Variants in FAM185A observed in about 807,000 individuals in gnomAD.
FAM185A encodes the protein family with sequence similarity 185 member A.
Under a neutral mutation model 45.7 loss-of-function variants are expected in FAM185A, and 21 were observed. That is an observed-to-expected ratio of 0.46 (90% CI 0.33 to 0.66). The LOEUF (loss-of-function observed/expected upper bound fraction) is 0.66. Among genes scored for constraint, FAM185A ranks in the 30% least tolerant of loss-of-function variants. The pLI, the probability that FAM185A is intolerant of heterozygous loss-of-function variation, is 0.03. For synonymous variants in FAM185A, 117 were observed against 194.0 expected, an observed-to-expected ratio of 0.60 and a Z score of 3.30; for missense variants, 305 against 485.4, an observed-to-expected ratio of 0.63 and a Z score of 3.49.
intron 3 of FAM185A, among the ~76,000 whole-genome samples, chr7:102,760,541 C>G (rs61711632): frequency 6.2e-5 from 9 of 144,362 alleles, no homozygotes; most frequent in African/African-American, 1.8e-4. Flanking sequence ...CAAAAGCAAT[C>G]AAACAAAGTT....
the FAM185A span, among the ~76,000 whole-genome samples, chr7:102,841,096 G>A: frequency 1.3e-5 from 2 of 152,270 alleles, no homozygotes; most frequent in African/African-American, 4.8e-5. Flanking sequence ...TTTATGTCAG[G>A]CAAGGCACAA....
intron 7 of FAM185A, among the ~76,000 whole-genome samples, chr7:102,800,588 T>C (rs1253645345): frequency 6.6e-6 from 1 of 151,998 alleles, no homozygotes; most frequent in Non-Finnish European, 1.5e-5. Flanking sequence ...CTTATAGAAA[T>C]GCAAAATGCT....
At chr7:102,801,330 C>CA (rs1213477121) in intron 7 of FAM185A, among the ~76,000 whole-genome samples, 1 of 150,832 alleles carries the variant, frequency 6.6e-6, no homozygotes, top group East Asian at 1.9e-4. Flanking sequence ...AAAAAAAAAA[C>CA]AAAAAAACAA....
chr7:102,812,726 A>C (rs1797496869), downstream of FAM185A, among the ~76,000 whole-genome samples: 1 of 152,020 alleles, frequency 6.6e-6, no homozygotes, highest in African/African-American at 2.4e-5. Flanking sequence ...TTGTCAAAAA[A>C]GTCTCATCTC....
intron 6 of FAM185A, among the ~76,000 whole-genome samples, chr7:102,777,646 A>T (rs1795148258): frequency 6.6e-6 from 1 of 152,256 alleles, no homozygotes; most frequent in Non-Finnish European, 1.5e-5. Context: ...AGTTTATTCT[A>T]TTCTGAAATA....
chr7:102,786,572 G>T (rs562116631), intron 6 of FAM185A, among the ~76,000 whole-genome samples: 2 of 152,210 alleles, frequency 1.3e-5, no homozygotes, highest in South Asian at 2.1e-4. Context: ...GCAAACTATC[G>T]CAAGGACAAA....
At chr7:102,833,111 A>T in the FAM185A span, 10 of 886,102 alleles carry the variant, frequency 1.1e-5, no homozygotes, top group East Asian at 1.6e-4. Context: ...AAAATAATTT[A>T]AAAAACCCAT....
the FAM185A span, among the ~76,000 whole-genome samples, chr7:102,818,396 T>C: frequency 7.2e-5 from 11 of 152,230 alleles, no homozygotes; most frequent in Non-Finnish European, 1.5e-4. Flanking sequence ...TCCATTTTGA[T>C]GATAAAGTGT....
At chr7:102,830,324 A>C in the FAM185A span, among the ~76,000 whole-genome samples, 1 of 152,198 alleles carries the variant, frequency 6.6e-6, no homozygotes, top group Non-Finnish European at 1.5e-5. Context: ...CCCAGTCTCC[A>C]TCTGTGCCTG....
At chr7:102,838,370 G>A in the FAM185A span, among the ~76,000 whole-genome samples, 4 of 152,086 alleles carry the variant, frequency 2.6e-5, no homozygotes, top group African/African-American at 9.7e-5. Flanking sequence ...TCAGTAGATA[G>A]TAGCTAGTAT....
chr7:102,800,143 G>A (rs1454211636), intron 7 of FAM185A, among the ~76,000 whole-genome samples: 2 of 152,132 alleles, frequency 1.3e-5, no homozygotes, highest in African/African-American at 4.8e-5. Flanking sequence ...TAGATCAGAA[G>A]AGAGATAACA....
chr7:102,849,586 T>A, the FAM185A span, among the ~76,000 whole-genome samples: 1 of 152,232 alleles, frequency 6.6e-6, no homozygotes, highest in African/African-American at 2.4e-5. Flanking sequence ...AAAGTGCAGA[T>A]AATCTAAACA....
At chr7:102,790,075 G>A (rs7800387) in intron 7 of FAM185A, among the ~76,000 whole-genome samples, 15 of 151,606 alleles carry the variant, frequency 9.9e-5, no homozygotes, top group African/African-American at 3.2e-4. Context: ...CTGTTGTATC[G>A]TAACTATTTT....
intron 4 of FAM185A, among the ~76,000 whole-genome samples, chr7:102,765,260 C>G (rs1562850392): frequency 6.6e-6 from 1 of 152,172 alleles, no homozygotes; most frequent in Non-Finnish European, 1.5e-5. Flanking sequence ...ACTGCTTCAG[C>G]TATGTTCTAC....
rs542958851 is a variant in FAM185A, at chr7:102,800,119, A to G, written c.1067-8171A>G. On this transcript the variant is annotated intron_variant, in intron 7 of 7. Transcript: ENST00000413034. ...CCCGTACCAGCCCAGAGCCTGGTAG[A>G]CTTGCTGGGTGGCTAGATCAGAAGA... 2.0e-5 allele frequency among the ~76,000 whole-genome samples: 3 copies of G among 152,314 alleles called. No individual in the cohort carries two copies. The East Asian group carries it at 5.8e-4, about 29-fold the overall frequency.
intron 7 of FAM185A, among the ~76,000 whole-genome samples, chr7:102,801,818 G>A (rs112509183): frequency 0.034 from 5,231 of 151,940 alleles, 279 homozygotes; most frequent in African/African-American, 0.12. Context: ...CCAGCTACTC[G>A]GGAGGCTGAG....
chr7:102,787,427 G>C lies in FAM185A; in HGVS notation c.1024G>C (p.Glu342Gln). The stretch of plus-strand genomic sequence containing the variant: ...TGTGAACTCAGAAGTCCATGTTCAG[G>C]AAATGGCTGAAGTTCGTAAAGATGA... Reference protein sequence around the residue: ...VDVNSEVHVQEMAEVRKDDVV... With the variant: ...VDVNSEVHVQQMAEVRKDDVV... Residue 342 changes from glutamate (E) to glutamine (Q), a missense_variant, in exon 7 of 8, where the codon GAA becomes CAA. By Grantham distance (29) the Glu-to-Gln change is conservative. Transcript: ENST00000413034. The C allele has an allele frequency of 6.5e-7, 1 of 1,534,986 alleles. No individual in the cohort carries two copies. Among genetic ancestry groups the C allele is most frequent in the Non-Finnish European group, 8.8e-7 (1 of 1,134,948 alleles).
At chr7:102,832,346 C>T in the FAM185A span, among the ~76,000 whole-genome samples, 1 of 152,218 alleles carries the variant, frequency 6.6e-6, no homozygotes, top group Non-Finnish European at 1.5e-5. Context: ...ATACCATTTA[C>T]TGTCCACTAA....
chr7:102,797,388 A>C (rs1477195610), intron 7 of FAM185A, among the ~76,000 whole-genome samples: 6 of 151,906 alleles, frequency 3.9e-5, no homozygotes, highest in South Asian at 2.1e-4. Flanking sequence ...AGGGAGGAGA[A>C]TCATTTGAAC....
Sources: allele counts gnomAD v4.1 joint callset (sites outside exome capture counted in the v4.1 genomes callset), GRCh38; gene constraint gnomAD v4.1.1; transcripts MANE v1.5; gene names NCBI Gene and HGNC (gene_info 2026-07-23, HGNC 2026-07-21).